Variants in DOT1L observed in about 807,000 individuals in gnomAD.
The protein encoded by DOT1L is DOT1 like histone lysine methyltransferase, also known as histone-lysine N-methyltransferase, H3 lysine-79 specific.
In DOT1L, 33 loss-of-function variants were observed where a neutral mutation model predicts 153.3. The ratio of observed to expected loss-of-function variants is 0.22; its 90% CI spans 0.16 to 0.29. The LOEUF (loss-of-function observed/expected upper bound fraction) is 0.29, where lower values mean the gene tolerates loss of function less well. DOT1L is among the 10% of genes least tolerant of loss of function. The pLI is 1.00. For missense variants in DOT1L, 1,847 were observed against 2,119.9 expected, an observed-to-expected ratio of 0.87 and a Z score of 2.53; for synonymous variants, 1,135 against 965.1, an observed-to-expected ratio of 1.18 and a Z score of -3.26.
intron 2 of DOT1L, among the ~76,000 whole-genome samples, chr19:2,183,327 C>T (rs565114180): frequency 7.2e-5 from 11 of 152,088 alleles, no homozygotes; most frequent in Admixed American, 5.2e-4. Context: ...CCTGCAACCA[C>T]GCCCAGCTAA....
intron 1 of DOT1L, among the ~76,000 whole-genome samples, chr19:2,167,074 C>G (rs1457508181): frequency 6.6e-6 from 1 of 152,202 alleles, no homozygotes; most frequent in East Asian, 1.9e-4. Context: ...AGTTGGGCCA[C>G]AGATTGTTGA....
Position 2,197,782 on chromosome 19 carries a change from A to G in DOT1L, c.652-2102A>G, listed in dbSNP as rs1235814169. ...GAAAGAACCTGGTGGTGGGGAAAGCAGGTGTCAGTACCAGCCTCTGCCTCT... is the reference window on the plus strand; with the variant it reads ...GAAAGAACCTGGTGGTGGGGAAAGCGGGTGTCAGTACCAGCCTCTGCCTCT... On this transcript the variant is annotated intron_variant, in intron 7 of 27. Coordinates refer to ENST00000398665, the MANE Select transcript of DOT1L (RefSeq NM_032482.3). This position sits in a 1 kb window ranked among gnomAD's most constrained non-coding sequence, Gnocchi z 4.1. 6.6e-6 allele frequency among the ~76,000 whole-genome samples: 1 copy of G among 152,222 alleles called. No homozygotes were observed. Among genetic ancestry groups the G allele is most frequent in the Non-Finnish European group, 1.5e-5 (1 of 68,034 alleles).
At position 2,208,721 on chromosome 19, in the gene DOT1L, C is replaced by G. The variant is rs955864178; in HGVS notation, c.964-214C>G. ...TTAAACCAGCCCCGCCCACCCGTCG[C>G]GTGCTGGTGAATTGAGGGTGACGCC... is the stretch of plus-strand genomic sequence containing the variant. On this transcript the variant is annotated intron_variant, in intron 11 of 27. Coordinates refer to ENST00000398665, the MANE Select transcript of DOT1L (RefSeq NM_032482.3). The surrounding 1 kb of genome is among the most constrained non-coding windows in gnomAD (Gnocchi z 4.4). Among the ~76,000 whole-genome samples the G allele has an allele frequency of 6.6e-6, 1 of 152,190 alleles. No homozygotes were observed. Among genetic ancestry groups the G allele is most frequent in the Non-Finnish European group, 1.5e-5 (1 of 68,032 alleles).
In DOT1L at chr19:2,229,223, G is replaced by C. The variant is rs373416351; in HGVS notation, c.4607-562G>C. The C allele has an allele frequency of 1.3e-5, 13 of 985,460 alleles. No individual in the cohort carries two copies. The East Asian group carries it at 5.7e-4, about 43-fold the overall frequency. The allele number at this position is 985,460 out of a possible 1,614,324, so 61.0% of individuals were successfully genotyped here. ...CCTCCCCCAAGAGGCTGTGGAGACT[G>C]TGGCCGCTGACCCCTGAGGGCAGTT... On this transcript the variant is annotated intron_variant, in intron 27 of 27. Transcript: ENST00000398665.
Position 2,213,572 on chromosome 19 carries a change from C to T in DOT1L, c.1591C>T (p.Gln531Ter), listed in dbSNP as rs2144849510. ...KNAQLLGAAQQLLSHCQAQKE... is the reference protein window; with the variant it reads ...KNAQLLGAAQ ...CGCCCAGCTCCTGGGTGCGGCTCAG[C>T]AGCTCCTCAGCCACTGCCAGGCCCA... Residue 531 changes from glutamine to a stop codon, truncating the protein, a stop_gained, in exon 17 of 28, where the codon CAG becomes TAG. Transcript: ENST00000398665. LOFTEE classifies it high-confidence loss of function. 1 of 1,613,410 alleles carries T rather than the reference C, an allele frequency of 6.2e-7. No individual in the cohort carries two copies. The highest frequency in any genetic ancestry group is 8.5e-7 in the Non-Finnish European group (1 of 1,179,978).
Position 2,226,955 on chromosome 19 carries a change from C to T in DOT1L, c.4434C>T (p.Pro1478=), listed in dbSNP as rs537713071. Reference sequence around the variant, plus strand: ...CGGGACCGCAGTTCGCGCTCGGCCCCATGTCCCTGCAGGCCAACCTCGGCT... The same window carrying T: ...CGGGACCGCAGTTCGCGCTCGGCCCTATGTCCCTGCAGGCCAACCTCGGCT... ...FPPGPQFALG[P]MSLQANLGSV... is the part of the protein sequence containing the mutation. Residue 1478 remains proline (P), a synonymous_variant, in exon 27 of 28, where the codon CCC becomes CCT. Coordinates refer to ENST00000398665, the MANE Select transcript of DOT1L (RefSeq NM_032482.3). 3 of 1,590,028 alleles carry T rather than the reference C, an allele frequency of 1.9e-6. No homozygotes were observed. The highest frequency in any genetic ancestry group is 2.7e-5 in the African/African-American group (2 of 73,652).
At chr19:2,165,636 C>G (rs1568321507) in intron 1 of DOT1L, among the ~76,000 whole-genome samples, 1 of 152,236 alleles carries the variant, frequency 6.6e-6, no homozygotes, top group African/African-American at 2.4e-5. Context: ...TTCCAGCCTC[C>G]ACTTCTCTCT....
intron 1 of DOT1L, among the ~76,000 whole-genome samples, chr19:2,174,608 C>CT (rs1337248301): frequency 1.3e-5 from 2 of 152,270 alleles, no homozygotes; most frequent in African/African-American, 4.8e-5. Flanking sequence ...ATCGCAAAAG[C>CT]TAAGATAAAT....
intron 15 of DOT1L, 112 bp from the exon 16 acceptor site, chr19:2,211,639 T>A: frequency 1.1e-6 from 1 of 903,950 alleles, no homozygotes; most frequent in Non-Finnish European, 1.7e-6. Context: ...TCCTGCCTCA[T>A]GAGTGCCTGA....
chr19:2,227,152 C>T (rs538434265), intron 27 of DOT1L, 25 bp downstream of exon 27: 6 of 1,560,640 alleles, frequency 3.8e-6, no homozygotes, highest in South Asian at 1.2e-5. Context: ...CGTCCGTCCG[C>T]CCCCCGCCCC....
chr19:2,211,108 G>C lies in DOT1L; in HGVS notation c.1361G>C (p.Arg454Thr), dbSNP rs1443814199. Residue 454 changes from arginine (R) to threonine (T), a missense_variant, in exon 15 of 28, where the codon AGA becomes ACA. Around this residue, in one of 8 missense-constraint regions of DOT1L, gnomAD observed 205 missense variants for 203.1 expected, o/e 1.01. Transcript: ENST00000398665. ...TAASSPQDAYRSPHSPFYQLP... is the reference protein window; with the variant it reads ...TAASSPQDAYTSPHSPFYQLP... The stretch of plus-strand genomic sequence containing the variant: ...CCCTCCGCTCTCCCAGATGCCTACA[G>C]ATCCCCTCACAGCCCGTTCTACCAG... 1.2e-6 allele frequency: 2 copies of C among 1,612,772 alleles called. No individual in the cohort carries two copies. The highest frequency in any genetic ancestry group is 1.7e-6 in the Non-Finnish European group (2 of 1,179,576).
chr19:2,176,831 G>T (rs2021961667), intron 1 of DOT1L, among the ~76,000 whole-genome samples: 1 of 152,290 alleles, frequency 6.6e-6, no homozygotes, highest in East Asian at 1.9e-4. Context: ...TGGGGAAGAC[G>T]CTATGGACAG....
chr19:2,230,748 G>A lies in DOT1L; in HGVS notation c.*956G>A, dbSNP rs2024565047. 1 of 397,280 alleles carries A rather than the reference G, an allele frequency of 2.5e-6. No individual in the cohort carries two copies. Among genetic ancestry groups the A allele is most frequent in the Non-Finnish European group, 4.4e-6 (1 of 225,846 alleles). 24.6% of individuals were successfully genotyped at this position (397,280 alleles called of 1,614,324 possible). On this transcript the variant is annotated 3_prime_UTR_variant, in exon 28 of 28. Coordinates refer to ENST00000398665, the MANE Select transcript of DOT1L (RefSeq NM_032482.3). ...AGTGAAGAGGAAAGAAAAGCGAGGGGAAAAAACCTTATTTATTCAAACAGT... is the reference window on the plus strand; with the variant it reads ...AGTGAAGAGGAAAGAAAAGCGAGGGAAAAAAACCTTATTTATTCAAACAGT...
chr19:2,201,345 C>T (rs1452574983), intron 8 of DOT1L, among the ~76,000 whole-genome samples: 4 of 151,928 alleles, frequency 2.6e-5, no homozygotes, highest in Admixed American at 6.6e-5. Flanking sequence ...CTGCGCCCGT[C>T]GTCCTCCCCG....
rs947796264 is a variant in DOT1L, at chr19:2,232,176, G to A, written c.*2384G>A. The A allele has an allele frequency of 8.9e-6, 2 of 224,044 alleles. No homozygotes were observed. The highest frequency in any genetic ancestry group is 1.8e-5 in the Non-Finnish European group (2 of 112,490). 13.9% of individuals were successfully genotyped at this position (224,044 alleles called of 1,614,324 possible). On this transcript the variant is annotated 3_prime_UTR_variant, in exon 28 of 28. Coordinates refer to ENST00000398665, the MANE Select transcript of DOT1L (RefSeq NM_032482.3). Reference sequence around the variant, plus strand: ...TGCTGCTGACTGTGGGTGGGCGGGCGGCGCCTGGGAGTGGCTCTTGCTCAG... The same window carrying A: ...TGCTGCTGACTGTGGGTGGGCGGGCAGCGCCTGGGAGTGGCTCTTGCTCAG...
At chr19:2,199,994 G>A (rs1474327367) in intron 8 of DOT1L, 55 bp downstream of exon 8, 10 of 1,597,228 alleles carry the variant, frequency 6.3e-6, no homozygotes, top group South Asian at 2.2e-5. Context: ...ACAGGCGGGC[G>A]GTGGCCATGG....
chr19:2,217,710 T>A lies in DOT1L; in HGVS notation c.2545-62T>A. On this transcript the variant is annotated intron_variant, in intron 21 of 27. Transcript: ENST00000398665. The surrounding 1 kb of genome is among the most constrained non-coding windows in gnomAD (Gnocchi z 7.3). ...GTAGCAGGCCCCCGTCCTGTGGCTG[T>A]GGTCCCTGTGTCCTGGAGGGGTTTG... is the stretch of plus-strand genomic sequence containing the variant. The A allele has an allele frequency of 6.5e-7, 1 of 1,549,302 alleles. No homozygotes were observed. Among genetic ancestry groups the A allele is most frequent in the African/African-American group, 1.4e-5 (1 of 73,252 alleles).
intron 16 of DOT1L, chr19:2,212,687 ACAAGCAGGCATCAGCGATC>A (rs2023757322): frequency 6.6e-6 from 1 of 152,244 alleles, no homozygotes; most frequent in Non-Finnish European, 1.5e-5. Flanking sequence ...GGGGAGGCTG[ACAAGCAGGCATCAGCGATC>A]CAAGCAGGGG....
chr19:2,172,028 T>C (rs2021661620), intron 1 of DOT1L, among the ~76,000 whole-genome samples: 1 of 152,094 alleles, frequency 6.6e-6, no homozygotes, highest in African/African-American at 2.4e-5. Flanking sequence ...AGTGATAACC[T>C]TGTAGGTAAT....
Sources: gnomAD v4.1 joint callset for allele counts (sites outside exome capture counted in the v4.1 genomes callset) on GRCh38, gnomAD v4.1.1 for gene constraint, gnomAD v4.1.1 regional missense constraint, Gnocchi (gnomAD v3.1) non-coding constraint, MANE v1.5 for transcripts, NCBI Gene and HGNC (gene_info 2026-07-23, HGNC 2026-07-21) for gene names.